The following DMD variants were observed in gnomAD, a reference collection of about 807,000 sequenced individuals.
DMD encodes the protein dystrophin, also known as mutant dystrophin.
DMD carries 63 observed loss-of-function variants against 330.1 expected under a neutral mutation model. The observed-to-expected ratio is 0.19, with a 90% CI of 0.16 to 0.24. The LOEUF is 0.24. DMD is among the 10% of genes least tolerant of loss of function. The probability of loss-of-function intolerance (pLI) is 1.00; values close to 1 mark genes in which losing one functional copy is unlikely to be tolerated. For synonymous variants in DMD, 1,223 were observed against 959.8 expected (o/e 1.27, Z -5.07); for missense variants, 3,344 against 2,684.1 (o/e 1.25, Z -5.43).
At position 32,512,855 on chromosome X, in the gene DMD, TA is replaced by T. The variant is rs2045477798; in HGVS notation, c.2292+5152del. Among the ~76,000 whole-genome samples the T allele has an allele frequency of 2.7e-5, 3 of 111,651 alleles. No homozygotes were observed. In the South Asian group the frequency reaches 1.1e-3, roughly 42 times the overall value. ...TAAGATGTGGGCTTGTGTTACATGA[TA>T]GGGGGCATCAAGGAAGTGGGGCTTT... On this transcript the variant is annotated intron_variant, in intron 18 of 78. Coordinates refer to ENST00000357033, the MANE Select transcript of DMD (RefSeq NM_004006.3).
At chrX:31,145,921 A>G (rs2036638237) in intron 76 of DMD, among the ~76,000 whole-genome samples, 1 of 111,847 alleles carries the variant, frequency 8.9e-6, no homozygotes, top group Admixed American at 9.4e-5. Flanking sequence ...TCACCCTCCC[A>G]AAGTGCTGGG....
rs2094017469 is a variant in DMD at position 33,027,049 on chromosome X, C to T, written c.32-6849G>A. 7.1e-5 allele frequency among the ~76,000 whole-genome samples: 8 copies of T among 112,195 alleles called. No homozygotes were observed. The Admixed American group carries it at 7.6e-4, about 11-fold the overall frequency. ...AACTCTGGTAGGCAGAATAATGCCT[C>T]CTCAAAAATGGCCACGTGCTAATCC... On this transcript the variant is annotated intron_variant, in intron 1 of 78. Transcript: ENST00000357033.
At chrX:32,079,897 G>A (rs2096379990) in intron 44 of DMD, among the ~76,000 whole-genome samples, 1 of 111,895 alleles carries the variant, frequency 8.9e-6, no homozygotes, top group African/African-American at 3.2e-5. Context: ...ATAAACTTTT[G>A]TTGAATTCTG....
rs949703312 is a variant in DMD, at chrX:32,089,047, C to G, written c.6439-120533G>C. Among the ~76,000 whole-genome samples the G allele has an allele frequency of 5.4e-5, 6 of 111,549 alleles. No homozygotes were observed. In the Admixed American group the frequency reaches 5.7e-4, roughly 11 times the overall value. Reference sequence around the variant, plus strand: ...ATTTAGGTATCCCTTTGCTTAAAGACAAAGTATTTGTTATTGGAATTGATG... The same window carrying G: ...ATTTAGGTATCCCTTTGCTTAAAGAGAAAGTATTTGTTATTGGAATTGATG... On this transcript the variant is annotated intron_variant, in intron 44 of 78. Transcript: ENST00000357033.
intron 7 of DMD, among the ~76,000 whole-genome samples, chrX:32,736,994 A>T (rs1004753722): frequency 1.7e-4 from 19 of 111,488 alleles, no homozygotes; most frequent in African/African-American, 6.2e-4. Flanking sequence ...ATATATATCC[A>T]AATATTCATT....
intron 47 of DMD, among the ~76,000 whole-genome samples, chrX:31,928,730 C>T (rs1368530844): frequency 9.0e-6 from 1 of 111,621 alleles, no homozygotes; most frequent in Non-Finnish European, 1.9e-5. Flanking sequence ...TTTTATCACA[C>T]CTTAAAAAAG....
chrX:31,755,783 G>A (rs780640353), intron 51 of DMD, among the ~76,000 whole-genome samples: 18 of 111,249 alleles, frequency 1.6e-4, no homozygotes, highest in Admixed American at 4.8e-4. Context: ...TAACTAGGTC[G>A]TTAAAGATCT....
At chrX:31,492,944 T>C (rs913078195) in intron 57 of DMD, among the ~76,000 whole-genome samples, 4 of 110,835 alleles carry the variant, frequency 3.6e-5, no homozygotes, top group African/African-American at 1.3e-4. Context: ...TTGATGGGTG[T>C]GGCAAACCAC....
At chrX:31,397,882 T>C (rs1460635788) in intron 60 of DMD, among the ~76,000 whole-genome samples, 1 of 112,355 alleles carries the variant, frequency 8.9e-6, no homozygotes, top group Non-Finnish European at 1.9e-5. Flanking sequence ...ATTTGTTTTA[T>C]GAACAAAGAT....
intron 44 of DMD, among the ~76,000 whole-genome samples, chrX:32,204,833 C>A (rs2097056760): frequency 9.2e-6 from 1 of 108,514 alleles, no homozygotes; most frequent in Non-Finnish European, 1.9e-5. Context: ...TAAACAACCA[C>A]ATATAGCATG....
chrX:31,517,237 T>C (rs1324692581), intron 55 of DMD, among the ~76,000 whole-genome samples: 1 of 111,684 alleles, frequency 9.0e-6, no homozygotes, highest in Non-Finnish European at 1.9e-5. Context: ...ATGATGTGAG[T>C]AGATCAACCA....
chrX:31,542,440 T>C (rs1219463771), intron 55 of DMD, among the ~76,000 whole-genome samples: 2 of 112,209 alleles, frequency 1.8e-5, no homozygotes, highest in East Asian at 2.8e-4. Context: ...TGAGATCATA[T>C]GTAAATTACT....
chrX:31,488,743 C>G (rs1186405885), intron 57 of DMD, among the ~76,000 whole-genome samples: 1 of 111,978 alleles, frequency 8.9e-6, no homozygotes, highest in Non-Finnish European at 1.9e-5. Context: ...TGAGATGACT[C>G]CACCACCCTC....
intron 9 of DMD, among the ~76,000 whole-genome samples, chrX:32,653,109 G>A (rs902695611): frequency 3.6e-5 from 4 of 111,551 alleles, no homozygotes; most frequent in South Asian, 7.5e-4. Context: ...TCTGTAGGTT[G>A]CCTGTTCACT....
chrX:31,400,840 G>A (rs766819756), intron 60 of DMD, among the ~76,000 whole-genome samples: 2 of 111,962 alleles, frequency 1.8e-5, no homozygotes, highest in Non-Finnish European at 3.8e-5. Context: ...AGCTTGAAAC[G>A]AGGATGCTTA....
chrX:31,474,583 G>A lies in DMD; in HGVS notation c.8937+3523C>T, dbSNP rs187539305. Among the ~76,000 whole-genome samples, 382 of 107,178 alleles carry A rather than the reference G, an allele frequency of 3.6e-3. 2 individuals are homozygous for A. The highest frequency in any genetic ancestry group is 5.8e-3 in the Non-Finnish European group (300 of 51,907). The allele number at this position is 107,178 out of a possible 115,157, so 93.1% of individuals were successfully genotyped here. On this transcript the variant is annotated intron_variant, in intron 59 of 78. Transcript: ENST00000357033. ...AAAATAGCTGGGCATGGTGGTGGGC[G>A]CCTGTAGTCCCAGCTATTTGGGAGG...
chrX:31,954,668 C>T (rs111451835), intron 45 of DMD, among the ~76,000 whole-genome samples: 5,874 of 110,155 alleles, frequency 0.053, 143 homozygotes, highest in African/African-American at 0.068. Flanking sequence ...TTGTCACTCA[C>T]ATGTGGGAGC....
chrX:31,617,278 T>C (rs1415726073), intron 55 of DMD, among the ~76,000 whole-genome samples: 1 of 111,696 alleles, frequency 9.0e-6, no homozygotes, highest in Non-Finnish European at 1.9e-5. Flanking sequence ...CTCACACCTG[T>C]AATCTCAGCG....
intron 4 of DMD, among the ~76,000 whole-genome samples, chrX:32,827,063 C>CACACACACA (rs1557061569): frequency 5.9e-5 from 3 of 50,787 alleles, no homozygotes; most frequent in Non-Finnish European, 1.2e-4. Context: ...CGCACCCCCC[C>CACACACACA]CCCACACACA....
Sources: gnomAD v4.1 joint callset for allele counts (sites outside exome capture counted in the v4.1 genomes callset) on GRCh38, gnomAD v4.1.1 for gene constraint, MANE v1.5 for transcripts, NCBI Gene and HGNC (gene_info 2026-07-23, HGNC 2026-07-21) for gene names.